IGSF21: variants seen among roughly 807,000 people sequenced by gnomAD.
IGSF21 encodes the protein immunoglobulin superfamily member 21.
Under a neutral mutation model 46.8 loss-of-function variants are expected in IGSF21, and 28 were observed. That is an observed-to-expected ratio of 0.60 (90% CI 0.44 to 0.82). The LOEUF (loss-of-function observed/expected upper bound fraction) is 0.82, where lower values mean the gene tolerates loss of function less well. Among genes scored for constraint, IGSF21 ranks in the 40% least tolerant of loss-of-function variants. The pLI is 0.00. For synonymous variants in IGSF21, 284 were observed against 273.6 expected, an observed-to-expected ratio of 1.04 and a Z score of -0.38; for missense variants, 624 against 665.5, an observed-to-expected ratio of 0.94 and a Z score of 0.69.
At chr1:18,243,419 GC>G (rs1203106711) in intron 2 of IGSF21, among the ~76,000 whole-genome samples, 2 of 152,042 alleles carry the variant, frequency 1.3e-5, no homozygotes, top group African/African-American at 2.4e-5. Flanking sequence ...TAAAAGACAA[GC>G]CCTGAATCCA....
In IGSF21 at chr1:18,281,722, C is replaced by G. The variant is rs369904149; in HGVS notation, c.184-10144C>G. Among the ~76,000 whole-genome samples, 6 of 152,088 alleles carry G rather than the reference C, an allele frequency of 3.9e-5. No homozygotes were observed. The East Asian group carries it at 7.7e-4, about 20-fold the overall frequency. ...CGAGCCCCTCTCTTTAGGGGCAAGC[C>G]ATGTGACCCTGAACCCTGTCTCTAA... On this transcript the variant is annotated intron_variant, in intron 2 of 9. Transcript: ENST00000251296.
At chr1:18,296,338 G>A (rs2085312168) in intron 3 of IGSF21, among the ~76,000 whole-genome samples, 1 of 152,200 alleles carries the variant, frequency 6.6e-6, no homozygotes, top group Non-Finnish European at 1.5e-5. Flanking sequence ...AGTCTAGTTT[G>A]TATACGTTTT....
chr1:18,264,817 G>C (rs1013135233), intron 2 of IGSF21, among the ~76,000 whole-genome samples: 11 of 152,154 alleles, frequency 7.2e-5, no homozygotes, highest in Non-Finnish European at 1.6e-4. Context: ...TGGTGACTTA[G>C]ATGGCTCCCG....
intron 1 of IGSF21, among the ~76,000 whole-genome samples, chr1:18,188,797 A>C (rs2086928018): frequency 6.6e-6 from 1 of 152,244 alleles, no homozygotes; most frequent in Non-Finnish European, 1.5e-5. Flanking sequence ...TCAGTTGATC[A>C]AGGACTCATA....
intron 1 of IGSF21, among the ~76,000 whole-genome samples, chr1:18,169,442 G>A (rs1026668767): frequency 4.6e-5 from 7 of 152,212 alleles, no homozygotes; most frequent in Non-Finnish European, 7.3e-5. Flanking sequence ...GATGCCAACC[G>A]TGGTGCTGGG....
chr1:18,367,933 A>G (rs1463732786), intron 6 of IGSF21, among the ~76,000 whole-genome samples: 1 of 151,994 alleles, frequency 6.6e-6, no homozygotes, highest in Non-Finnish European at 1.5e-5. Flanking sequence ...CCACCTGCCC[A>G]TACAGAAACT....
chr1:18,113,246 A>G (rs1482149915), intron 1 of IGSF21: 3 of 152,134 alleles, frequency 2.0e-5, no homozygotes, highest in African/African-American at 7.2e-5. Flanking sequence ...TTAGGATGAA[A>G]TTCCAGGGAA....
At chr1:18,303,443 G>A (rs2085380496) in intron 3 of IGSF21, among the ~76,000 whole-genome samples, 1 of 152,148 alleles carries the variant, frequency 6.6e-6, no homozygotes, top group Admixed American at 6.5e-5. Flanking sequence ...AATAGGGTGG[G>A]GGCACTGGGG....
intron 4 of IGSF21, among the ~76,000 whole-genome samples, chr1:18,353,456 A>G (rs1207936073): frequency 6.6e-6 from 1 of 152,120 alleles, no homozygotes; most frequent in African/African-American, 2.4e-5. Flanking sequence ...GTGCGGCCGC[A>G]GGTAAGAAGC....
chr1:18,157,801 T>G (rs543531573), intron 1 of IGSF21, among the ~76,000 whole-genome samples: 1 of 152,154 alleles, frequency 6.6e-6, no homozygotes, highest in Non-Finnish European at 1.5e-5. Context: ...TCAGATTGCC[T>G]CTTTGCTGGA....
chr1:18,163,438 C>T (rs1045907965), intron 1 of IGSF21, among the ~76,000 whole-genome samples: 5 of 152,118 alleles, frequency 3.3e-5, no homozygotes, highest in Admixed American at 6.5e-5. Flanking sequence ...ATGTATCTGC[C>T]TCTAAATCCC....
Position 18,331,465 on chromosome 1 carries a change from T to C in IGSF21, c.306-3427T>C, listed in dbSNP as rs1462425347. The stretch of plus-strand genomic sequence containing the variant: ...GTTCCTTTTTATGGCTGAATAGTAT[T>C]CCACGGTATAGATATATACCACAGT... On this transcript the variant is annotated intron_variant, in intron 3 of 9. Transcript: ENST00000251296. Among the ~76,000 whole-genome samples the C allele has an allele frequency of 3.9e-5, 6 of 152,370 alleles. No individual in the cohort carries two copies. In the East Asian group the frequency reaches 9.6e-4, roughly 24 times the overall value.
At chr1:18,302,032 C>T (rs971884307) in intron 3 of IGSF21, among the ~76,000 whole-genome samples, 2 of 152,132 alleles carry the variant, frequency 1.3e-5, no homozygotes, top group African/African-American at 2.4e-5. Flanking sequence ...GGGCACACTC[C>T]CCTGCTCCCC....
At chr1:18,330,378 A>G (rs1041782444) in intron 3 of IGSF21, among the ~76,000 whole-genome samples, 1 of 152,226 alleles carries the variant, frequency 6.6e-6, no homozygotes, top group African/African-American at 2.4e-5. Flanking sequence ...TGAGGGGTGT[A>G]CAGCGATCTC....
At chr1:18,143,921 G>A (rs140359983) in intron 1 of IGSF21, among the ~76,000 whole-genome samples, 4 of 152,172 alleles carry the variant, frequency 2.6e-5, no homozygotes, top group East Asian at 1.9e-4. Context: ...GGACCTCACC[G>A]GGGCTGGAGC....
intron 4 of IGSF21, 182 bp from the exon 5 acceptor site, chr1:18,361,926 GTCTATAT>G (rs779735367): frequency 8.6e-5 from 50 of 583,842 alleles, no homozygotes; most frequent in Non-Finnish European, 1.4e-4. Context: ...GAGGGCTCTT[GTCTATAT>G]TCCCAGCAAG....
chr1:18,252,045 GTTTT>G (rs59704256), intron 2 of IGSF21, among the ~76,000 whole-genome samples: 42 of 72,092 alleles, frequency 5.8e-4, no homozygotes, highest in African/African-American at 2.1e-3. Context: ...TGACCAAGGC[GTTTT>G]TTTTTTTTTT....
chr1:18,142,307 C>T (rs1312993255), intron 1 of IGSF21, among the ~76,000 whole-genome samples: 1 of 152,200 alleles, frequency 6.6e-6, no homozygotes, highest in Non-Finnish European at 1.5e-5. Flanking sequence ...CTCCATTTTA[C>T]AGATGAGAAG....
chr1:18,252,561 T>A (rs558908896), intron 2 of IGSF21, among the ~76,000 whole-genome samples: 1 of 152,238 alleles, frequency 6.6e-6, no homozygotes, highest in Non-Finnish European at 1.5e-5. Context: ...TGAAGTCAAG[T>A]GATTTCCGGA....
Sources: gnomAD v4.1 joint callset for allele counts (sites outside exome capture counted in the v4.1 genomes callset) on GRCh38, gnomAD v4.1.1 for gene constraint, MANE v1.5 for transcripts, NCBI Gene and HGNC (gene_info 2026-07-23, HGNC 2026-07-21) for gene names.